SRC: variants seen among roughly 807,000 people sequenced by gnomAD.
The protein encoded by SRC is proto-oncogene tyrosine-protein kinase Src.
In SRC, 13 loss-of-function variants were observed where a neutral mutation model predicts 62.9. The ratio of observed to expected loss-of-function variants is 0.21; its 90% CI spans 0.13 to 0.33. The LOEUF (loss-of-function observed/expected upper bound fraction) is 0.33. Ranked by LOEUF, SRC falls within the 10% of genes least tolerant of loss-of-function variation. The pLI is 1.00. For synonymous variants in SRC, 302 were observed against 317.5 expected, an observed-to-expected ratio of 0.95 and a Z score of 0.52; for missense variants, 457 against 737.3, an observed-to-expected ratio of 0.62 and a Z score of 4.40.
intron 3 of SRC, among the ~76,000 whole-genome samples, chr20:37,383,180 A>T (rs2070389886): frequency 6.6e-6 from 1 of 152,210 alleles, no homozygotes; most frequent in South Asian, 2.1e-4. Flanking sequence ...AAAGACAGAC[A>T]CAAGTCAGGG....
Position 37,404,675 on chromosome 20 carries a change from G to A in SRC, c.*1296G>A, listed in dbSNP as rs931990919. The A allele has an allele frequency of 1.3e-5, 3 of 233,536 alleles. No homozygotes were observed. In the Admixed American group the frequency reaches 1.7e-4, roughly 13 times the overall value. The allele number at this position is 233,536 out of a possible 1,614,324, so 14.5% of individuals were successfully genotyped here. On this transcript the variant is annotated 3_prime_UTR_variant, in exon 14 of 14. Transcript: ENST00000373578. ...CTGGGCTGCAGAGTCTGCCCCACAT[G>A]TGGCCATGGCCTCTGCAACTGCTCA...
chr20:37,365,443 T>C (rs754524598), intron 2 of SRC, among the ~76,000 whole-genome samples, 166 bp downstream of exon 2: 1 of 151,960 alleles, frequency 6.6e-6, no homozygotes, highest in Non-Finnish European at 1.5e-5. Context: ...AAATTTCTGG[T>C]GTATCCTTCC....
chr20:37,375,807 C>G lies in SRC; in HGVS notation c.-172-6812C>G, dbSNP rs143197703. ...CAGCTTAAACCATGAACATTTATTT[C>G]TCACAGCTCTGAAGGCTGGAGAGTC... On this transcript the variant is annotated intron_variant, in intron 2 of 13. Transcript: ENST00000373578. Among the ~76,000 whole-genome samples, 433 of 152,346 alleles carry G rather than the reference C, an allele frequency of 2.8e-3. 1 individual carries two copies. The highest frequency in any genetic ancestry group is 8.8e-3 in the Admixed American group (135 of 15,302).
In SRC at chr20:37,404,516, TCTC is replaced by T. The variant is rs1379822503; in HGVS notation, c.*1142_*1144del. ...GTGGCATTTCAATTCCTGGCCCTGT[TCTC>T]CTCCCCAAGTCGGCACCCTTTAACT... On this transcript the variant is annotated 3_prime_UTR_variant, in exon 14 of 14. Coordinates refer to ENST00000373578, the MANE Select transcript of SRC (RefSeq NM_198291.3). 4.3e-6 allele frequency: 1 copy of T among 233,554 alleles called. No individual in the cohort carries two copies. Among genetic ancestry groups the T allele is most frequent in the African/African-American group, 2.2e-5 (1 of 45,340 alleles). 14.5% of individuals were successfully genotyped at this position (233,554 alleles called of 1,614,324 possible). A position where few individuals can be genotyped will look rare whatever the true frequency, so the allele number is the denominator to read the frequency against.
In SRC at chr20:37,377,020, CA is replaced by C. The variant is rs1224750558; in HGVS notation, c.-172-5597del. ...CACTCACTTGCTGTGTGGCCTTGGA[CA>C]AGGTTTTAGTTTCTCTGAACCTTGA... On this transcript the variant is annotated intron_variant, in intron 2 of 13. Transcript: ENST00000373578. Among the ~76,000 whole-genome samples, 4 of 152,324 alleles carry C rather than the reference CA, an allele frequency of 2.6e-5. No homozygotes were observed. The East Asian group carries it at 7.7e-4, about 29-fold the overall frequency.
At chr20:37,386,305 G>A in intron 5 of SRC, 131 bp downstream of exon 5, 1 of 912,592 alleles carries the variant, frequency 1.1e-6, no homozygotes, top group Non-Finnish European at 1.8e-6. Context: ...CCAGGGCAGT[G>A]TGGAGGCAGG....
At chr20:37,368,943 G>A (rs1332843420) in intron 2 of SRC, among the ~76,000 whole-genome samples, 2 of 152,162 alleles carry the variant, frequency 1.3e-5, no homozygotes, top group African/African-American at 2.4e-5. Context: ...AGGATTTGAG[G>A]AAGGTGTCCA....
In SRC at chr20:37,382,638, G is replaced by A. The variant is rs1021916295; in HGVS notation, c.-153G>A. On this transcript the variant is annotated 5_prime_UTR_variant, in exon 3 of 14. Coordinates refer to ENST00000373578, the MANE Select transcript of SRC (RefSeq NM_198291.3). ...TTGCAGATGAGGACGCTGAGGCCCA[G>A]AGAGGGAAAGCCACTTGCCTAGGGA... 15 of 152,320 alleles carry A rather than the reference G, an allele frequency of 9.8e-5. No individual in the cohort carries two copies. Among genetic ancestry groups the A allele is most frequent in the Admixed American group, 7.2e-4 (11 of 15,288 alleles). The allele number at this position is 152,320 out of a possible 1,614,324, so 9.4% of individuals were successfully genotyped here.
intron 5 of SRC, among the ~76,000 whole-genome samples, chr20:37,393,152 TGC>T (rs2070581354): frequency 2.0e-5 from 3 of 152,234 alleles, no homozygotes; most frequent in African/African-American, 7.2e-5. Flanking sequence ...ATTGGGGCTC[TGC>T]CACCTCACCC....
chr20:37,345,857 C>A (rs948259148), upstream of SRC, among the ~76,000 whole-genome samples: 1 of 152,096 alleles, frequency 6.6e-6, no homozygotes, highest in Non-Finnish European at 1.5e-5. Flanking sequence ...GGATGGGGCC[C>A]GCGGGGTGCG....
intron 7 of SRC, among the ~76,000 whole-genome samples, chr20:37,395,114 AC>A (rs1240174481): frequency 1.3e-5 from 2 of 151,740 alleles, no homozygotes; most frequent in East Asian, 1.9e-4. Context: ...TTCCACATGC[AC>A]CCTCCCGGGC....
intron 5 of SRC, chr20:37,386,497 G>A (rs954462593): frequency 5.3e-5 from 38 of 713,774 alleles, no homozygotes; most frequent in Admixed American, 6.0e-5. Context: ...TGCTCCGTGG[G>A]CGGCGGGCTG....
At chr20:37,368,518 C>CTTTTTTTTTTTTTTGTTTTTTTTTGT (rs2070102489) in intron 2 of SRC, among the ~76,000 whole-genome samples, 5 of 73,918 alleles carry the variant, frequency 6.8e-5, no homozygotes, top group African/African-American at 1.3e-4. Context: ...CCTATATTTT[C>CTTTTTTTTTTTTTTGTTTTTTTTTGT]TTTTTTTTTT....
At chr20:37,366,121 T>C (rs2070059012) in intron 2 of SRC, among the ~76,000 whole-genome samples, 1 of 152,244 alleles carries the variant, frequency 6.6e-6, no homozygotes, top group Non-Finnish European at 1.5e-5. Context: ...CACAAATGAA[T>C]ATCCTCAATC....
At chr20:37,347,304 C>G (rs1311533014) in intron 1 of SRC, among the ~76,000 whole-genome samples, 4 of 152,234 alleles carry the variant, frequency 2.6e-5, no homozygotes, top group African/African-American at 9.6e-5. Context: ...GTGGGCCAGG[C>G]TGGTCCTGTT....
In SRC at chr20:37,405,768, C is replaced by T. The variant is rs532324447; in HGVS notation, c.*2389C>T. On this transcript the variant is annotated 3_prime_UTR_variant, in exon 14 of 14. Transcript: ENST00000373578. Reference sequence around the variant, plus strand: ...CCTAGAGGAGATCACAAATACACGACGAGAATACCGTTGTGTGTGCTCTTC... The same window carrying T: ...CCTAGAGGAGATCACAAATACACGATGAGAATACCGTTGTGTGTGCTCTTC... 2 of 152,424 alleles carry T rather than the reference C, an allele frequency of 1.3e-5. No homozygotes were observed. The highest frequency in any genetic ancestry group is 2.1e-4 in the South Asian group (1 of 4,818). The allele number at this position is 152,424 out of a possible 1,614,324, so 9.4% of individuals were successfully genotyped here. A position where few individuals can be genotyped will look rare whatever the true frequency, so the allele number is the denominator to read the frequency against.
chr20:37,358,325 T>C (rs1183634025), intron 1 of SRC, among the ~76,000 whole-genome samples: 1 of 152,128 alleles, frequency 6.6e-6, no homozygotes, highest in African/African-American at 2.4e-5. Flanking sequence ...AGCTGGGCTT[T>C]GGGAAGGGGC....
At chr20:37,379,722 CAAA>C (rs1240730350) in intron 2 of SRC, among the ~76,000 whole-genome samples, 1 of 129,092 alleles carries the variant, frequency 7.7e-6, no homozygotes. Context: ...GACTCTGTCT[CAAA>C]AAAAAAAAAT....
Position 37,379,672 on chromosome 20 carries a change from C to T in SRC, c.-172-2947C>T, listed in dbSNP as rs188258145. 1.9e-3 allele frequency among the ~76,000 whole-genome samples: 279 copies of T among 149,790 alleles called. 1 individual carries two copies. The highest frequency in any genetic ancestry group is 6.4e-3 in the African/African-American group (258 of 40,624). Reference sequence around the variant, plus strand: ...CTGGGAGGCGAAGGGTGCAGTGAGCCGAGATCACACCATTGCACTCCAGCC... The same window carrying T: ...CTGGGAGGCGAAGGGTGCAGTGAGCTGAGATCACACCATTGCACTCCAGCC... On this transcript the variant is annotated intron_variant, in intron 2 of 13. Transcript: ENST00000373578.
Sources: gnomAD v4.1 joint callset for allele counts (sites outside exome capture counted in the v4.1 genomes callset) on GRCh38, gnomAD v4.1.1 for gene constraint, MANE v1.5 for transcripts, NCBI Gene and HGNC (gene_info 2026-07-23, HGNC 2026-07-21) for gene names.